Variants in CNKSR1 observed in about 807,000 individuals in gnomAD.
CNKSR1 encodes connector enhancer of kinase suppressor of Ras 1, also known as CNK homolog protein 1.
A neutral mutation model predicts 95.6 loss-of-function variants in CNKSR1; 88 were observed. That is an observed-to-expected ratio of 0.92 (90% CI 0.78 to 1.10). The LOEUF (loss-of-function observed/expected upper bound fraction) is 1.10, where lower values mean the gene tolerates loss of function less well. Among genes scored for constraint, CNKSR1 ranks in the 50% least tolerant of loss-of-function variants. The probability of loss-of-function intolerance (pLI) is 0.00; values close to 1 mark genes in which losing one functional copy is unlikely to be tolerated. For missense variants in CNKSR1, 836 were observed against 912.0 expected, an observed-to-expected ratio of 0.92 and a Z score of 1.07; for synonymous variants, 355 against 369.7, an observed-to-expected ratio of 0.96 and a Z score of 0.46.
At chr1:26,186,769 C>T (rs534044637) in intron 14 of CNKSR1, 22 of 267,080 alleles carry the variant, frequency 8.2e-5, no homozygotes, top group East Asian at 4.9e-4. Flanking sequence ...CCACCACACC[C>T]GACCTAAGTT....
chr1:26,188,502 C>T lies in CNKSR1; in HGVS notation c.1589C>T (p.Ser530Leu), dbSNP rs575043860. The change falls in exon 18 of 21, where the codon TCG becomes TTG. Residue 530 changes from serine to leucine, a missense_variant and splice_region_variant. By Grantham distance (145) the Ser-to-Leu change is moderately radical (BLOSUM62 -2). Coordinates refer to ENST00000361530, the MANE Select transcript of CNKSR1 (RefSeq NM_006314.3). The stretch of plus-strand genomic sequence containing the variant: ...GATGAGGCTGGGTCCCACTCAGCCT[C>T]GGTGAGTGGGGGGCTGCCGGGGGTA... The part of the protein sequence containing the change: ...PDDEAGSHSA[S>L]PSPAQAGSPL... 2.3e-4 allele frequency: 369 copies of T among 1,603,050 alleles called. 2 individuals are homozygous for T. The South Asian group carries it at 3.8e-3, about 16-fold the overall frequency.
intron 13 of CNKSR1, 70 bp from the exon 14 acceptor site, chr1:26,184,944 G>A (rs2088720077): frequency 6.9e-7 from 1 of 1,455,546 alleles, no homozygotes; most frequent in Non-Finnish European, 9.3e-7. Flanking sequence ...GCTTGTGGAA[G>A]GCAGGGAGTA....
intron 14 of CNKSR1, chr1:26,186,852 C>T: frequency 8.4e-6 from 3 of 356,316 alleles, no homozygotes; most frequent in Non-Finnish European, 1.6e-5. Flanking sequence ...GTCCTCCTGC[C>T]TTGGCCTCCC....
At chr1:26,186,398 T>G (rs2088750809) in intron 14 of CNKSR1, among the ~76,000 whole-genome samples, 1 of 152,200 alleles carries the variant, frequency 6.6e-6, no homozygotes, top group Non-Finnish European at 1.5e-5. Context: ...CCTCCCAGGT[T>G]CAAGCGATCC....
At position 26,189,777 on chromosome 1, in the gene CNKSR1, T is replaced by A. The variant is rs1214054366; in HGVS notation, c.*229T>A. On this transcript the variant is annotated 3_prime_UTR_variant, in exon 21 of 21. Transcript: ENST00000361530. ...CCTCCAACCTCTGGGGCCACAGCCCTGCCCCTCCAGTTCCTTGGCAGTTCT... is the reference window on the plus strand; with the variant it reads ...CCTCCAACCTCTGGGGCCACAGCCCAGCCCCTCCAGTTCCTTGGCAGTTCT... The A allele has an allele frequency of 1.4e-6, 1 of 697,476 alleles. No individual in the cohort carries two copies. The highest frequency in any genetic ancestry group is 2.7e-5 in the East Asian group (1 of 37,122). 43.2% of individuals were successfully genotyped at this position (697,476 alleles called of 1,614,324 possible).
At chr1:26,177,724 C>A in intron 1 of CNKSR1, 125 bp downstream of exon 1, 1 of 1,145,456 alleles carries the variant, frequency 8.7e-7, no homozygotes, top group South Asian at 1.5e-5. Context: ...ACCTGTAATC[C>A]CAGCACTTTG....
At position 26,184,479 on chromosome 1, in the gene CNKSR1, C is replaced by T; in HGVS notation, c.1079C>T (p.Thr360Ile). The change falls in exon 12 of 21, where the codon ACT becomes ATT. Residue 360 changes from threonine to isoleucine, a missense_variant. Transcript: ENST00000361530. ...ATACTCCCAGCAGGGGTAGCAGGGA[C>T]TCCAGGGCTCCCTGAATCCCCTGAC... ...PAILPAGVAG[T>I]PGLPESPDKS... 1 of 1,612,940 alleles carries T rather than the reference C, an allele frequency of 6.2e-7. No homozygotes were observed. Among genetic ancestry groups the T allele is most frequent in the Non-Finnish European group, 8.5e-7 (1 of 1,179,568 alleles).
In CNKSR1 at chr1:26,180,850, G is replaced by A. The variant is rs552489352; in HGVS notation, c.346G>A (p.Val116Met). Reference protein sequence around the residue: ...KTPIDVLCAAVELLHEADALL... With the variant: ...KTPIDVLCAAMELLHEADALL... Reference sequence around the variant, plus strand: ...CCCTATTGATGTCCTCTGTGCAGCTGTGGAGCTGTTGCATGAAGCTGACGC... The same window carrying A: ...CCCTATTGATGTCCTCTGTGCAGCTATGGAGCTGTTGCATGAAGCTGACGC... The change falls in exon 3 of 21, where the codon GTG becomes ATG. Residue 116 changes from valine to methionine, a missense_variant. Transcript: ENST00000361530. 7 of 1,614,234 alleles carry A rather than the reference G, an allele frequency of 4.3e-6. No individual in the cohort carries two copies. Among genetic ancestry groups the A allele is most frequent in the East Asian group, 2.2e-5 (1 of 44,888 alleles).
rs755115754 is a variant in CNKSR1 at position 26,182,415 on chromosome 1, G to A, written c.519+13G>A. On this transcript the variant is annotated intron_variant, in intron 5 of 20. Coordinates refer to ENST00000361530, the MANE Select transcript of CNKSR1 (RefSeq NM_006314.3). ...AGTCCTGAGGATCGTGAGTCTGTGGGGTGGGAAGAGAGTGGGGGTAGGGGC... is the reference window on the plus strand; with the variant it reads ...AGTCCTGAGGATCGTGAGTCTGTGGAGTGGGAAGAGAGTGGGGGTAGGGGC... 4.3e-6 allele frequency: 7 copies of A among 1,614,050 alleles called. No homozygotes were observed. In the African/African-American group the frequency reaches 6.7e-5, roughly 15 times the overall value.
rs774159866 is a variant in CNKSR1 at position 26,181,838 on chromosome 1, G to A, written c.393-19G>A. 6.2e-7 allele frequency: 1 copy of A among 1,612,254 alleles called. No individual in the cohort carries two copies. Among genetic ancestry groups the A allele is most frequent in the African/African-American group, 1.3e-5 (1 of 74,908 alleles). ...TTAAGCATAGTCCCTTAACCACTGT[G>A]CTATTCTTCCCCTGCCAGGTACCTC... is the stretch of plus-strand genomic sequence containing the variant. On this transcript the variant is annotated intron_variant, in intron 3 of 20. Coordinates refer to ENST00000361530, the MANE Select transcript of CNKSR1 (RefSeq NM_006314.3).
At position 26,187,476 on chromosome 1, in the gene CNKSR1, T is replaced by G. The variant is rs141940086; in HGVS notation, c.1448T>G (p.Leu483Arg). The change falls in exon 16 of 21, where the codon CTG becomes CGG. Residue 483 changes from leucine (L) to arginine (R), a missense_variant. Coordinates refer to ENST00000361530, the MANE Select transcript of CNKSR1 (RefSeq NM_006314.3). The stretch of plus-strand genomic sequence containing the variant: ...TTCGCTGCTGATACCCTGACAGATC[T>G]GAGCATGTGAGTGCCGCCTCCCTTA... ...FIFAADTLTDLSMWVRHLITC... is the reference protein window; with the variant it reads ...FIFAADTLTDRSMWVRHLITC... The G allele has an allele frequency of 3.1e-6, 5 of 1,614,094 alleles. No homozygotes were observed. The East Asian group carries it at 8.9e-5, about 29-fold the overall frequency.
At chr1:26,181,629 ACTGT>A (rs911590933) in intron 3 of CNKSR1, 11 of 549,728 alleles carry the variant, frequency 2.0e-5, no homozygotes, top group African/African-American at 5.7e-5. Flanking sequence ...TGATGTCTTT[ACTGT>A]CTGTTTCCCC....
chr1:26,185,328 A>G (rs1338366278), intron 14 of CNKSR1, 142 bp downstream of exon 14: 1 of 900,396 alleles, frequency 1.1e-6, no homozygotes, highest in East Asian at 2.6e-5. Context: ...ATTCAGAGAG[A>G]AATGAGTTAA....
At chr1:26,186,974 C>T in intron 14 of CNKSR1, 194 bp from the exon 15 acceptor site, 1 of 588,566 alleles carries the variant, frequency 1.7e-6, no homozygotes, top group Non-Finnish European at 3.1e-6. Flanking sequence ...GGCTTAGAGG[C>T]ATCCTTTGGC....
chr1:26,181,697 G>GCTAAT, intron 3 of CNKSR1, 160 bp from the exon 4 acceptor site: 2 of 698,290 alleles, frequency 2.9e-6, no homozygotes, highest in East Asian at 5.5e-5. Flanking sequence ...TAAGTCCTGT[G>GCTAAT]CTAATCTCTT....
chr1:26,178,910 T>A (rs544172372), intron 1 of CNKSR1, among the ~76,000 whole-genome samples: 43 of 152,088 alleles, frequency 2.8e-4, no homozygotes, highest in African/African-American at 1.0e-3. Context: ...GTGCTCTCAA[T>A]GTGACACAGG....
chr1:26,184,906 T>G, intron 13 of CNKSR1, 108 bp from the exon 14 acceptor site: 1 of 1,146,460 alleles, frequency 8.7e-7, no homozygotes, highest in African/African-American at 1.5e-5. Context: ...CTGAGCAGAG[T>G]GTGGGTTCAG....
At chr1:26,177,881 C>T (rs1196818638) in intron 1 of CNKSR1, among the ~76,000 whole-genome samples, 1 of 151,982 alleles carries the variant, frequency 6.6e-6, no homozygotes, top group Non-Finnish European at 1.5e-5. Context: ...GCAGGAGAAT[C>T]GCTTGAACCC....
At chr1:26,183,104 C>G (rs947597932) in intron 6 of CNKSR1, 93 bp from the exon 7 acceptor site, 21 of 1,288,916 alleles carry the variant, frequency 1.6e-5, no homozygotes, top group Non-Finnish European at 2.4e-5. Context: ...GCCACAGTTC[C>G]ACCCACCATA....
Sources: allele counts gnomAD v4.1 joint callset (sites outside exome capture counted in the v4.1 genomes callset), GRCh38; gene constraint gnomAD v4.1.1; transcripts MANE v1.5; gene names NCBI Gene and HGNC (gene_info 2026-07-23, HGNC 2026-07-21).